The following SEMA6D variants were observed in gnomAD, a reference collection of about 807,000 sequenced individuals.
SEMA6D encodes the protein semaphorin 6D.
A neutral mutation model predicts 106.6 loss-of-function variants in SEMA6D; 35 were observed. The observed-to-expected ratio is 0.33, with a 90% CI of 0.25 to 0.44. The LOEUF is 0.44. Among genes scored for constraint, SEMA6D ranks in the 20% least tolerant of loss-of-function variants. The probability of loss-of-function intolerance (pLI) is 1.00; values close to 1 mark genes in which losing one functional copy is unlikely to be tolerated. For missense variants in SEMA6D, 1,185 were observed against 1,345.9 expected (o/e 0.88, Z 1.87); for synonymous variants, 499 against 487.7 (o/e 1.02, Z -0.31).
At chr15:47,236,807 G>C (rs879503573) in intron 1 of SEMA6D, among the ~76,000 whole-genome samples, 2 of 152,164 alleles carry the variant, frequency 1.3e-5, no homozygotes, top group Admixed American at 1.3e-4. Context: ...GAAGGACATA[G>C]ATTATGAAGC....
At chr15:47,748,965 GGAT>G (rs1195081967) in intron 1 of SEMA6D, among the ~76,000 whole-genome samples, 1 of 152,056 alleles carries the variant, frequency 6.6e-6, no homozygotes, top group Non-Finnish European at 1.5e-5. Context: ...TCAAAGGAGA[GGAT>G]GATGGAGACG....
chr15:47,492,010 G>GTT (rs746537324), intron 3 of SEMA6D, among the ~76,000 whole-genome samples: 3 of 152,164 alleles, frequency 2.0e-5, no homozygotes, highest in Non-Finnish European at 4.4e-5. Flanking sequence ...AGGCTTCAGA[G>GTT]TTTTAGATCC....
At chr15:47,654,442 A>T (rs941864418) in intron 4 of SEMA6D, among the ~76,000 whole-genome samples, 7 of 152,210 alleles carry the variant, frequency 4.6e-5, no homozygotes. Flanking sequence ...GAGAAAAGAA[A>T]ATGTTATTTA....
At chr15:47,306,839 A>G (rs968937838) in intron 1 of SEMA6D, among the ~76,000 whole-genome samples, 1 of 152,270 alleles carries the variant, frequency 6.6e-6, no homozygotes, top group Non-Finnish European at 1.5e-5. Flanking sequence ...CCTTCTTAGT[A>G]TAATTTTTAG....
At chr15:47,339,466 G>A (rs1451141482) in intron 1 of SEMA6D, among the ~76,000 whole-genome samples, 1 of 152,204 alleles carries the variant, frequency 6.6e-6, no homozygotes, top group African/African-American at 2.4e-5. Flanking sequence ...GGTCACAGCA[G>A]TATTCTTCTG....
In SEMA6D at chr15:47,422,180, GCCTTCCTTCCTT is replaced by G. The variant is rs68039702; in HGVS notation, c.-159+9751_-159+9762del. Among the ~76,000 whole-genome samples, 553 of 112,872 alleles carry G rather than the reference GCCTTCCTTCCTT, an allele frequency of 4.9e-3. 2 individuals are homozygous for G. The highest frequency in any genetic ancestry group is 0.021 in the Admixed American group (218 of 10,508). 74.0% of individuals were successfully genotyped at this position (112,872 alleles called of 152,430 possible). The stretch of plus-strand genomic sequence containing the variant: ...TTATTTTTTGCCCGCCCGCCTGCCT[GCCTTCCTTCCTT>G]CCTTCCTTCCTTCCTTCCTTCCTTC... On this transcript the variant is annotated intron_variant, in intron 2 of 19. Transcript: ENST00000558014.
At chr15:47,694,678 A>G (rs1410895875) in intron 4 of SEMA6D, among the ~76,000 whole-genome samples, 2 of 152,076 alleles carry the variant, frequency 1.3e-5, no homozygotes, top group Non-Finnish European at 2.9e-5. Context: ...CTAGGCTCAC[A>G]TGAATACAAA....
intron 4 of SEMA6D, among the ~76,000 whole-genome samples, chr15:47,704,095 A>AT (rs2078867228): frequency 6.6e-6 from 1 of 152,310 alleles, no homozygotes; most frequent in East Asian, 1.9e-4. Context: ...AGCACATGAA[A>AT]TAAGCTCTTC....
At chr15:47,314,467 G>A (rs963956879) in intron 1 of SEMA6D, among the ~76,000 whole-genome samples, 6 of 147,752 alleles carry the variant, frequency 4.1e-5, no homozygotes, top group Middle Eastern at 3.2e-3. Context: ...GCGTAGTGGC[G>A]GGCGCCTGTA....
At chr15:47,409,933 G>A (rs1380025127) in intron 1 of SEMA6D, among the ~76,000 whole-genome samples, 2 of 152,156 alleles carry the variant, frequency 1.3e-5, no homozygotes, top group East Asian at 1.9e-4. Flanking sequence ...TAGATTTTAG[G>A]CTAAAAGCTC....
chr15:47,760,356 G>A lies in SEMA6D; in HGVS notation c.162G>A (p.Gln54=). ...GACGCCCTTCAGGCAATGAATCGCA[G>A]CACAGGCTGGACTTTCAGCTGATGT... ...FRGRPSGNES[Q]HRLDFQLMLK... is the part of the protein sequence containing the mutation. The change falls in exon 3 of 19, where the codon CAG becomes CAA. Residue 54 remains glutamine, a synonymous_variant. Coordinates refer to ENST00000536845, the MANE Select transcript of SEMA6D (RefSeq NM_001358351.3). 6.2e-7 allele frequency: 1 copy of A among 1,613,690 alleles called. No individual in the cohort carries two copies. Among genetic ancestry groups the A allele is most frequent in the Non-Finnish European group, 8.5e-7 (1 of 1,179,690 alleles).
intron 4 of SEMA6D, among the ~76,000 whole-genome samples, chr15:47,686,476 A>G (rs760001865): frequency 2.0e-5 from 3 of 152,232 alleles, no homozygotes; most frequent in Non-Finnish European, 4.4e-5. Context: ...AGCCATCTCA[A>G]AGAGATTTAG....
At position 47,318,950 on chromosome 15, in the gene SEMA6D, G is replaced by T. The variant is rs553532342; in HGVS notation, c.-238-93443G>T. 4.3e-4 allele frequency among the ~76,000 whole-genome samples: 66 copies of T among 152,198 alleles called. 1 individual carries two copies. Among genetic ancestry groups the T allele is most frequent in the Admixed American group, 2.2e-3 (34 of 15,288 alleles). On this transcript the variant is annotated intron_variant, in intron 1 of 19. Transcript: ENST00000558014. ...ACCTGTTGTTTCCTGACATTTTAAT[G>T]ATTGCCATTCTAACTGGTGTGAGAT... is the stretch of plus-strand genomic sequence containing the variant.
chr15:47,516,538 G>A lies in SEMA6D; in HGVS notation c.-87+45993G>A, dbSNP rs16959631. ...ATTTGTTGTACCTTTCCAGGATATAGGATGAAGCCTTGAATACTAATTGCT... is the reference window on the plus strand; with the variant it reads ...ATTTGTTGTACCTTTCCAGGATATAAGATGAAGCCTTGAATACTAATTGCT... On this transcript the variant is annotated intron_variant, in intron 3 of 19. Transcript: ENST00000558014. Among the ~76,000 whole-genome samples the A allele has an allele frequency of 4.9e-3, 743 of 152,254 alleles. 23 individuals are homozygous for A. The East Asian group carries it at 0.053, about 11-fold the overall frequency.
intron 2 of SEMA6D, among the ~76,000 whole-genome samples, chr15:47,468,563 C>T (rs1009448412): frequency 7.9e-5 from 12 of 152,070 alleles, no homozygotes; most frequent in Non-Finnish European, 1.3e-4. Flanking sequence ...TTACGTGGAG[C>T]GAGTTCACAG....
chr15:47,761,356 ATTTG>A lies in SEMA6D; in HGVS notation c.375_378del (p.Val126GlnfsTer24). On this transcript the variant is annotated frameshift_variant, in exon 6 of 19. Transcript: ENST00000536845. LOFTEE classifies it high-confidence loss of function. Reference sequence around the variant, plus strand: ...ATGAATGCCACAACTTTATCAAAGTATTTGTTCCAAGAAACGATGAGATGGTTTT... The same window carrying A: ...ATGAATGCCACAACTTTATCAAAGTATTCCAAGAAACGATGAGATGGTTTT... 1.2e-6 allele frequency: 2 copies of A among 1,613,336 alleles called. No individual in the cohort carries two copies. Among genetic ancestry groups the A allele is most frequent in the Non-Finnish European group, 1.7e-6 (2 of 1,179,652 alleles).
At chr15:47,367,722 ACAC>A (rs1567031284) in intron 1 of SEMA6D, among the ~76,000 whole-genome samples, 5,494 of 32,974 alleles carry the variant, frequency 0.17, 189 homozygotes, top group South Asian at 0.34. Context: ...ACACACACAC[ACAC>A]ACAGAGAGAG....
chr15:47,698,410 C>A (rs2078742930), intron 4 of SEMA6D, among the ~76,000 whole-genome samples: 1 of 152,112 alleles, frequency 6.6e-6, no homozygotes, highest in Admixed American at 6.6e-5. Context: ...ACTGCAAAAC[C>A]TCTGGCAATA....
chr15:47,197,301 T>A (rs1894425380), intron 1 of SEMA6D, among the ~76,000 whole-genome samples: 1 of 152,188 alleles, frequency 6.6e-6, no homozygotes, highest in Admixed American at 6.5e-5. Flanking sequence ...ACTTAACTGG[T>A]TCTCTGTGTG....
Sources: allele counts gnomAD v4.1 joint callset (sites outside exome capture counted in the v4.1 genomes callset), GRCh38; gene constraint gnomAD v4.1.1; transcripts MANE v1.5; gene names NCBI Gene and HGNC (gene_info 2026-07-23, HGNC 2026-07-21).